The following PRDM1 variants were observed in gnomAD, a reference collection of about 807,000 sequenced individuals.
PRDM1 encodes the protein PR/SET domain 1.
Under a neutral mutation model 62.8 loss-of-function variants are expected in PRDM1, and 13 were observed. The observed-to-expected ratio is 0.21, with a 90% CI of 0.13 to 0.33. The LOEUF is 0.33. Ranked by LOEUF, PRDM1 falls within the 10% of genes least tolerant of loss-of-function variation. The probability of loss-of-function intolerance (pLI) is 1.00; values close to 1 mark genes in which losing one functional copy is unlikely to be tolerated. For synonymous variants in PRDM1, 396 were observed against 417.6 expected (o/e 0.95, Z 0.63); for missense variants, 895 against 1,058.8 (o/e 0.85, Z 2.15).
chr6:106,006,379 C>G (rs1482859922), intron 1 of PRDM1, among the ~76,000 whole-genome samples: 1 of 152,056 alleles, frequency 6.6e-6, no homozygotes, highest in Non-Finnish European at 1.5e-5. Context: ...GCTCTGTTTC[C>G]TCCACAGACC....
At chr6:106,021,698 G>A (rs926853168) in intron 1 of PRDM1, among the ~76,000 whole-genome samples, 1 of 152,140 alleles carries the variant, frequency 6.6e-6, no homozygotes, top group African/African-American at 2.4e-5. Flanking sequence ...TTAGCTCACC[G>A]CAACCTCTGC....
chr6:106,061,637 C>T (rs1773347070), intron 1 of PRDM1, among the ~76,000 whole-genome samples: 2 of 152,228 alleles, frequency 1.3e-5, no homozygotes, highest in African/African-American at 4.8e-5. Flanking sequence ...GCAACAAGTA[C>T]TGTAGTGTAA....
intron 1 of PRDM1, among the ~76,000 whole-genome samples, chr6:106,029,777 G>T (rs139859066): frequency 1.4e-3 from 209 of 150,514 alleles, no homozygotes; most frequent in African/African-American, 5.0e-3. Context: ...TGGCTAATTG[G>T]TTTTTTTTTG....
At chr6:106,026,268 C>T (rs556451880) in intron 1 of PRDM1, among the ~76,000 whole-genome samples, 28 of 152,230 alleles carry the variant, frequency 1.8e-4, no homozygotes, top group Admixed American at 1.3e-3. Context: ...CACCTGAGGT[C>T]GGGAGTTCGA....
intron 1 of PRDM1, among the ~76,000 whole-genome samples, chr6:105,998,188 A>G (rs1285566915): frequency 6.6e-6 from 1 of 152,120 alleles, no homozygotes; most frequent in East Asian, 1.9e-4. Context: ...ATATCTGTAT[A>G]TTGTGTTCTG....
At chr6:106,068,284 G>T (rs571589204) in intron 1 of PRDM1, among the ~76,000 whole-genome samples, 2 of 152,190 alleles carry the variant, frequency 1.3e-5, no homozygotes, top group Non-Finnish European at 1.5e-5. Flanking sequence ...TAGAGACAGG[G>T]TTTCACCATG....
intron 1 of PRDM1, among the ~76,000 whole-genome samples, chr6:106,023,399 A>G (rs553310872): frequency 1.1e-4 from 17 of 152,090 alleles, no homozygotes; most frequent in Non-Finnish European, 2.5e-4. Context: ...GCGTGAACCC[A>G]GAAGGCAGAG....
intron 1 of PRDM1, among the ~76,000 whole-genome samples, chr6:106,037,304 CT>C: frequency 6.6e-6 from 1 of 152,228 alleles, no homozygotes; most frequent in South Asian, 2.1e-4. Context: ...TGATGATTCA[CT>C]TTTCTTGATC....
At chr6:106,009,778 CA>C (rs1385361625) in intron 1 of PRDM1, among the ~76,000 whole-genome samples, 1 of 152,104 alleles carries the variant, frequency 6.6e-6, no homozygotes, top group Non-Finnish European at 1.5e-5. Context: ...AGTGCAGTGG[CA>C]TGATCTCAGC....
intron 1 of PRDM1, among the ~76,000 whole-genome samples, chr6:106,014,702 T>C (rs1459720505): frequency 6.6e-6 from 1 of 151,230 alleles, no homozygotes; most frequent in East Asian, 1.9e-4. Flanking sequence ...ATACAGTTAA[T>C]CTATAATCAT....
chr6:106,026,540 GTT>G (rs1772769666), intron 1 of PRDM1, among the ~76,000 whole-genome samples: 1 of 152,060 alleles, frequency 6.6e-6, no homozygotes, highest in Non-Finnish European at 1.5e-5. Context: ...ACTGAACAAT[GTT>G]TTCGTCTGGT....
chr6:106,044,002 AT>A (rs1229378569), upstream of PRDM1, among the ~76,000 whole-genome samples: 2 of 151,676 alleles, frequency 1.3e-5, no homozygotes, highest in African/African-American at 2.4e-5. Context: ...TCTTACTTTA[AT>A]TTTTTTTCTG....
At chr6:106,084,322 G>A (rs936341371), upstream of PRDM1, among the ~76,000 whole-genome samples, 2 of 152,156 alleles carry the variant, frequency 1.3e-5, no homozygotes, top group East Asian at 3.9e-4. Context: ...GCCCCACACT[G>A]GTATTTGAAG....
At position 106,104,926 on chromosome 6, in the gene PRDM1, T is replaced by G; in HGVS notation, c.766T>G (p.Leu256Val). Residue 256 changes from leucine (L) to valine (V), a missense_variant, in exon 5 of 7, where the codon TTG becomes GTG. Leu to Val is a conservative substitution (Grantham distance 32). Around this residue, in one of 4 missense-constraint regions of PRDM1, gnomAD observed 444 missense variants for 422.7 expected, o/e 1.05. Coordinates refer to ENST00000369096, the MANE Select transcript of PRDM1 (RefSeq NM_001198.4). ...REYSVKEILKLDSNPSKGKDL... is the reference protein window; with the variant it reads ...REYSVKEILKVDSNPSKGKDL... ...GTACAGCGTGAAAGAAATCCTAAAATTGGACTCCAACCCCTCCAAAGGAAA... is the reference window on the plus strand; with the variant it reads ...GTACAGCGTGAAAGAAATCCTAAAAGTGGACTCCAACCCCTCCAAAGGAAA... 1 of 1,613,950 alleles carries G rather than the reference T, an allele frequency of 6.2e-7. No homozygotes were observed. The highest frequency in any genetic ancestry group is 2.2e-5 in the East Asian group (1 of 44,862).
chr6:105,998,913 ATATATATATATATATATATATTTTTTTT>A (rs1209948856), intron 1 of PRDM1, among the ~76,000 whole-genome samples: 21 of 13,854 alleles, frequency 1.5e-3, no homozygotes, highest in African/African-American at 3.5e-3. Flanking sequence ...ATATATATAT[ATATATATATATATATATATATTTTTTTT>A]TTTTTTTTTC....
chr6:105,995,704 A>T (rs1275873882), intron 1 of PRDM1, among the ~76,000 whole-genome samples: 2 of 151,928 alleles, frequency 1.3e-5, no homozygotes, highest in African/African-American at 4.8e-5. Flanking sequence ...ACAGTATTAC[A>T]TTGTCCTTTG....
intron 1 of PRDM1, among the ~76,000 whole-genome samples, chr6:105,995,493 G>A (rs190779445): frequency 2.0e-4 from 30 of 152,272 alleles, no homozygotes; most frequent in African/African-American, 7.2e-4. Context: ...CCATAGTGTA[G>A]GATAGAGGAA....
intron 1 of PRDM1, among the ~76,000 whole-genome samples, chr6:106,035,117 C>A (rs1294017625): frequency 6.6e-6 from 1 of 152,070 alleles, no homozygotes; most frequent in East Asian, 1.9e-4. Context: ...TTGTTCTATT[C>A]TTTATTGAGA....
At chr6:106,088,554 G>GT (rs1254639525) in intron 2 of PRDM1, 105 bp downstream of exon 2, 2 of 1,284,484 alleles carry the variant, frequency 1.6e-6, no homozygotes, top group African/African-American at 3.0e-5. Flanking sequence ...GAATCTGTAA[G>GT]TATCAGTAAA....
Sources: allele counts gnomAD v4.1 joint callset (sites outside exome capture counted in the v4.1 genomes callset), GRCh38; gene constraint gnomAD v4.1.1; regional missense constraint gnomAD v4.1.1; transcripts MANE v1.5; gene names NCBI Gene and HGNC (gene_info 2026-07-23, HGNC 2026-07-21).